The following PRKN variants were observed in gnomAD, a reference collection of about 807,000 sequenced individuals.
PRKN encodes the protein parkin RBR E3 ubiquitin protein ligase.
Under a neutral mutation model 59.5 loss-of-function variants are expected in PRKN, and 56 were observed. The observed-to-expected ratio is 0.94, with a 90% CI of 0.76 to 1.18. The LOEUF (loss-of-function observed/expected upper bound fraction) is 1.18. Among genes scored for constraint, PRKN ranks in the 50% most tolerant of loss-of-function variants. The probability of loss-of-function intolerance (pLI) is 0.00; values close to 1 mark genes in which losing one functional copy is unlikely to be tolerated. For missense variants in PRKN, 657 were observed against 596.4 expected (o/e 1.10, Z -1.06); for synonymous variants, 250 against 222.1 (o/e 1.13, Z -1.12).
chr6:162,418,610 GAC>G (rs1281652286), intron 2 of PRKN, among the ~76,000 whole-genome samples: 1 of 143,920 alleles, frequency 6.9e-6, no homozygotes, highest in African/African-American at 2.6e-5. Context: ...GAGAGGGACA[GAC>G]AGTGTGTGTG....
chr6:161,819,484 C>T (rs560559409), intron 6 of PRKN, among the ~76,000 whole-genome samples: 19 of 152,090 alleles, frequency 1.2e-4, no homozygotes, highest in African/African-American at 4.6e-4. Flanking sequence ...GAGTGAGACT[C>T]TGTCTCAAAA....
chr6:161,361,500 T>A lies in PRKN; in HGVS notation c.1168-1295A>T, dbSNP rs1784973430. Among the ~76,000 whole-genome samples, 1 of 152,120 alleles carries A rather than the reference T, an allele frequency of 6.6e-6. No homozygotes were observed. The highest frequency in any genetic ancestry group is 2.1e-4 in the South Asian group (1 of 4,818). On this transcript the variant is annotated intron_variant, in intron 10 of 11. Coordinates refer to ENST00000366898, the MANE Select transcript of PRKN (RefSeq NM_004562.3). The surrounding 1 kb of genome is among the most constrained non-coding windows in gnomAD (Gnocchi z 5.2). ...CTAAACTTTCAGGGGTTACCAAATT[T>A]CAGGGGTTACCAAACTTTCAGGGGT...
chr6:162,291,849 G>A (rs1781442883), intron 2 of PRKN, among the ~76,000 whole-genome samples: 1 of 152,006 alleles, frequency 6.6e-6, no homozygotes, highest in Non-Finnish European at 1.5e-5. Flanking sequence ...AAGCGTTGAA[G>A]ACAAACAAGA....
chr6:161,535,330 T>A (rs1260958882), intron 9 of PRKN, among the ~76,000 whole-genome samples: 2 of 152,016 alleles, frequency 1.3e-5, no homozygotes, highest in Non-Finnish European at 2.9e-5. Flanking sequence ...CAAAAAAAGA[T>A]AACCAAGGAA....
In PRKN at chr6:162,159,209, CTAAT is replaced by C. The variant is rs531936437; in HGVS notation, c.534+41918_534+41921del. On this transcript the variant is annotated intron_variant, in intron 4 of 11. Coordinates refer to ENST00000366898, the MANE Select transcript of PRKN (RefSeq NM_004562.3). ...TATCGTAAATACTGTTTTCTATTGA[CTAAT>C]TATCTATGAGAATCACACAGATACT... Among the ~76,000 whole-genome samples, 397 of 150,900 alleles carry C rather than the reference CTAAT, an allele frequency of 2.6e-3. 1 individual carries two copies. The highest frequency in any genetic ancestry group is 4.3e-3 in the Non-Finnish European group (295 of 68,018).
chr6:162,272,697 T>C (rs2128103749), intron 2 of PRKN, among the ~76,000 whole-genome samples: 1 of 152,246 alleles, frequency 6.6e-6, no homozygotes, highest in Non-Finnish European at 1.5e-5. Context: ...TGTGGGATTA[T>C]TTATAATAGA....
At chr6:162,038,942 C>T (rs1161465921) in intron 5 of PRKN, among the ~76,000 whole-genome samples, 5 of 152,112 alleles carry the variant, frequency 3.3e-5, no homozygotes, top group African/African-American at 2.4e-5. Context: ...ATCATGAGGT[C>T]AGGAGATCGA....
intron 1 of PRKN, among the ~76,000 whole-genome samples, chr6:162,570,836 GA>G (rs1159422133): frequency 2.0e-5 from 3 of 151,826 alleles, no homozygotes; most frequent in Non-Finnish European, 2.9e-5. Context: ...GGATGGGAGG[GA>G]AAAAAATAGA....
chr6:162,469,583 C>A (rs1351740806), intron 1 of PRKN, among the ~76,000 whole-genome samples: 1 of 151,682 alleles, frequency 6.6e-6, no homozygotes, highest in African/African-American at 2.4e-5. Flanking sequence ...TTTGCAGCAA[C>A]CTGGATGGGA....
chr6:162,248,649 A>G (rs1779300338), intron 3 of PRKN, among the ~76,000 whole-genome samples: 1 of 152,168 alleles, frequency 6.6e-6, no homozygotes, highest in Non-Finnish European at 1.5e-5. Flanking sequence ...CAGAATTTCC[A>G]GGACTTATTT....
intron 1 of PRKN, among the ~76,000 whole-genome samples, chr6:162,611,990 C>T (rs1051347632): frequency 2.0e-5 from 3 of 151,254 alleles, no homozygotes; most frequent in East Asian, 2.0e-4. Context: ...TCGAGACCAT[C>T]CTGGCTAACA....
intron 1 of PRKN, among the ~76,000 whole-genome samples, chr6:162,516,055 C>T (rs189640110): frequency 2.8e-4 from 43 of 152,314 alleles, no homozygotes; most frequent in African/African-American, 9.1e-4. Flanking sequence ...GCTAATGCAG[C>T]GATTGCTGTG....
At chr6:161,599,666 C>T (rs1329464332) in intron 7 of PRKN, among the ~76,000 whole-genome samples, 1 of 152,176 alleles carries the variant, frequency 6.6e-6, no homozygotes, top group African/African-American at 2.4e-5. Context: ...GCCTGGCTTA[C>T]AGCAATTTCT....
In PRKN at chr6:162,054,095, C is replaced by T. The variant is rs200985148; in HGVS notation, c.614G>A (p.Ser205Asn). 3.1e-5 allele frequency: 50 copies of T among 1,599,814 alleles called. No homozygotes were observed. Among genetic ancestry groups the T allele is most frequent in the Non-Finnish European group, 4.0e-5 (47 of 1,166,964 alleles). The part of the protein sequence containing the change: ...ECQSPHCPGT[S>N]AEFFFKCGAH... ...TGAATGTGACCAGGTACTTACTGCA[C>T]TAGTCCCAGGGCAGTGTGGGGATTG... Residue 205 changes from serine (S) to asparagine (N), a missense_variant, in exon 5 of 12, where the codon AGT becomes AAT. Coordinates refer to ENST00000366898, the MANE Select transcript of PRKN (RefSeq NM_004562.3).
chr6:161,821,546 T>A (rs1792023820), intron 6 of PRKN, among the ~76,000 whole-genome samples: 1 of 152,078 alleles, frequency 6.6e-6, no homozygotes, highest in Non-Finnish European at 1.5e-5. Context: ...AAGTGTTAAC[T>A]TTCAGGAAAA....
At chr6:162,245,962 C>T (rs1267777079) in intron 3 of PRKN, among the ~76,000 whole-genome samples, 1 of 152,134 alleles carries the variant, frequency 6.6e-6, no homozygotes, top group Non-Finnish European at 1.5e-5. Flanking sequence ...GAAAACAGCT[C>T]TTTGAGGTCT....
At chr6:161,760,180 T>C (rs555015780) in intron 7 of PRKN, among the ~76,000 whole-genome samples, 1 of 92,478 alleles carries the variant, frequency 1.1e-5, no homozygotes, top group South Asian at 3.3e-4. Context: ...TTAGTTAGTG[T>C]CACTCACACT....
intron 1 of PRKN, among the ~76,000 whole-genome samples, chr6:162,466,623 G>T (rs1431119108): frequency 1.3e-5 from 2 of 151,774 alleles, no homozygotes; most frequent in Non-Finnish European, 2.9e-5. Flanking sequence ...GCCCAGGCTG[G>T]TCTCATATGC....
chr6:162,130,519 T>C (rs534260602), intron 4 of PRKN, among the ~76,000 whole-genome samples: 110 of 152,200 alleles, frequency 7.2e-4, no homozygotes, highest in African/African-American at 2.6e-3. Flanking sequence ...AGGGTCCATT[T>C]TGATTGGCTG....
Sources: gnomAD v4.1 joint callset for allele counts (sites outside exome capture counted in the v4.1 genomes callset) on GRCh38, gnomAD v4.1.1 for gene constraint, Gnocchi (gnomAD v3.1) non-coding constraint, MANE v1.5 for transcripts, NCBI Gene and HGNC (gene_info 2026-07-23, HGNC 2026-07-21) for gene names.